The following EPHA3 variants were observed in gnomAD, a reference collection of about 807,000 sequenced individuals.
EPHA3 encodes the protein EPH receptor A3.
EPHA3 carries 42 observed loss-of-function variants against 107.1 expected under a neutral mutation model. The observed-to-expected ratio is 0.39, with a 90% CI of 0.31 to 0.51. The LOEUF (loss-of-function observed/expected upper bound fraction) is 0.51. Ranked by LOEUF, EPHA3 falls within the 20% of genes least tolerant of loss-of-function variation. EPHA3 has a pLI of 0.78. For missense variants in EPHA3, 1,183 were observed against 1,211.2 expected (o/e 0.98, Z 0.35); for synonymous variants, 461 against 424.8 (o/e 1.09, Z -1.05).
intron 13 of EPHA3, among the ~76,000 whole-genome samples, chr3:89,433,601 AT>A (rs962138794): frequency 1.1e-4 from 17 of 151,910 alleles, no homozygotes; most frequent in South Asian, 4.2e-4. Flanking sequence ...ATGAATCTAA[AT>A]TTTTTTTTAA....
intron 5 of EPHA3, among the ~76,000 whole-genome samples, chr3:89,357,905 C>T (rs1313902933): frequency 1.3e-5 from 2 of 151,238 alleles, no homozygotes; most frequent in Non-Finnish European, 3.0e-5. Flanking sequence ...CCATTCTAAG[C>T]TGCTTTTACA....
chr3:89,167,231 CAG>C (rs1291187887), intron 2 of EPHA3, among the ~76,000 whole-genome samples: 1 of 152,132 alleles, frequency 6.6e-6, no homozygotes, highest in Non-Finnish European at 1.5e-5. Context: ...CATTACATCA[CAG>C]AGTTTTTATT....
intron 3 of EPHA3, among the ~76,000 whole-genome samples, chr3:89,260,281 C>T (rs1433931501): frequency 1.3e-5 from 2 of 152,214 alleles, no homozygotes; most frequent in African/African-American, 2.4e-5. Flanking sequence ...GGCTTTTCCA[C>T]AGTGTACATT....
chr3:89,480,441 A>G lies in EPHA3; in HGVS notation c.*939A>G, dbSNP rs868566331. ...TAGTGTAATATACCAGCTTGTATGC[A>G]ATGGATTTTCAACCAGATAACATAC... On this transcript the variant is annotated 3_prime_UTR_variant, in exon 17 of 17. Transcript: ENST00000336596. 7 of 233,230 alleles carry G rather than the reference A, an allele frequency of 3.0e-5. No homozygotes were observed. Among genetic ancestry groups the G allele is most frequent in the African/African-American group, 1.5e-4 (7 of 45,326 alleles). The allele number at this position is 233,230 out of a possible 1,614,324, so 14.4% of individuals were successfully genotyped here.
rs998163895 is a variant in EPHA3, at chr3:89,472,530, G to A, written c.2757G>A (p.Trp919Ter). ...DITTFRTTGD[W>*]LNGVWTAHCK... The stretch of plus-strand genomic sequence containing the variant: ...CTACCTTCCGCACAACAGGTGACTG[G>A]CTTAATGGTGTCTGGACAGCACACT... The change falls in exon 16 of 17, where the codon TGG (tryptophan) becomes TGA (stop). Residue 919 changes from tryptophan to a stop codon, truncating the protein, a stop_gained. Coordinates refer to ENST00000336596, the MANE Select transcript of EPHA3 (RefSeq NM_005233.6). LOFTEE classifies it high-confidence loss of function. 1 of 1,614,118 alleles carries A rather than the reference G, an allele frequency of 6.2e-7. No homozygotes were observed. Among genetic ancestry groups the A allele is most frequent in the Non-Finnish European group, 8.5e-7 (1 of 1,180,016 alleles).
chr3:89,478,033 T>G (rs1401520715), intron 16 of EPHA3, among the ~76,000 whole-genome samples: 2 of 152,078 alleles, frequency 1.3e-5, no homozygotes, highest in Non-Finnish European at 2.9e-5. Context: ...TTGGGGAAGA[T>G]TTCATTAGAG....
chr3:89,195,934 C>G (rs1352348166), intron 2 of EPHA3, among the ~76,000 whole-genome samples: 2 of 152,126 alleles, frequency 1.3e-5, no homozygotes, highest in African/African-American at 4.8e-5. Context: ...CTACTATTGT[C>G]TTTATAGCAC....
chr3:89,361,157 A>T (rs1371703844), intron 5 of EPHA3, among the ~76,000 whole-genome samples: 1 of 151,068 alleles, frequency 6.6e-6, no homozygotes, highest in East Asian at 1.9e-4. Context: ...ACACTAAAAC[A>T]ATTGGAAAAA....
intron 3 of EPHA3, among the ~76,000 whole-genome samples, chr3:89,320,521 T>C (rs534891810): frequency 1.3e-5 from 2 of 152,098 alleles, no homozygotes; most frequent in South Asian, 4.1e-4. Context: ...CTTCTAATCC[T>C]GGGAGATGAG....
chr3:89,183,637 T>A (rs1705494180), intron 2 of EPHA3, among the ~76,000 whole-genome samples: 1 of 148,040 alleles, frequency 6.8e-6, no homozygotes, highest in Non-Finnish European at 1.5e-5. Flanking sequence ...AAGAAACTAT[T>A]TTTTAATGAA....
intron 2 of EPHA3, among the ~76,000 whole-genome samples, chr3:89,147,258 G>A (rs1457426915): frequency 6.6e-6 from 1 of 151,510 alleles, no homozygotes; most frequent in African/African-American, 2.4e-5. Flanking sequence ...CTAGATGATG[G>A]GTTGATAGGT....
At position 89,148,884 on chromosome 3, in the gene EPHA3, A is replaced by G. The variant is rs77052637; in HGVS notation, c.153+21611A>G. Among the ~76,000 whole-genome samples, 165 of 152,146 alleles carry G rather than the reference A, an allele frequency of 1.1e-3. 1 individual carries two copies. In the East Asian group the frequency reaches 0.025, roughly 23 times the overall value. On this transcript the variant is annotated intron_variant, in intron 2 of 16. Coordinates refer to ENST00000336596, the MANE Select transcript of EPHA3 (RefSeq NM_005233.6). The stretch of plus-strand genomic sequence containing the variant: ...AAAATAGACATTATTGTTTATTTGG[A>G]GTCATAATTATAAACATATAACATA...
chr3:89,306,433 T>G (rs1307291028), intron 3 of EPHA3, among the ~76,000 whole-genome samples: 1 of 152,186 alleles, frequency 6.6e-6, no homozygotes, highest in African/African-American at 2.4e-5. Context: ...GCTATGAATA[T>G]TCTGTGGCTA....
chr3:89,276,595 A>T (rs563950170), intron 3 of EPHA3, among the ~76,000 whole-genome samples: 1 of 152,128 alleles, frequency 6.6e-6, no homozygotes, highest in Non-Finnish European at 1.5e-5. Context: ...AGAAAGCATC[A>T]GAGATTGATA....
chr3:89,237,351 A>G (rs926707568), intron 3 of EPHA3, among the ~76,000 whole-genome samples: 5 of 152,250 alleles, frequency 3.3e-5, no homozygotes, highest in African/African-American at 1.2e-4. Context: ...AGCCTGGGTG[A>G]CAAAGCGAGA....
At chr3:89,339,427 AT>A (rs1707467030) in intron 3 of EPHA3, among the ~76,000 whole-genome samples, 1 of 151,960 alleles carries the variant, frequency 6.6e-6, no homozygotes, top group South Asian at 2.1e-4. Flanking sequence ...GGGCAGTAGA[AT>A]TGACTATATG....
At chr3:89,392,781 CTT>C (rs1035763695) in intron 5 of EPHA3, among the ~76,000 whole-genome samples, 1 of 152,080 alleles carries the variant, frequency 6.6e-6, no homozygotes, top group Non-Finnish European at 1.5e-5. Flanking sequence ...ACAAATCACT[CTT>C]TGATATCTGA....
At chr3:89,171,669 G>T (rs560411552) in intron 2 of EPHA3, among the ~76,000 whole-genome samples, 2 of 152,080 alleles carry the variant, frequency 1.3e-5, no homozygotes, top group Admixed American at 1.3e-4. Flanking sequence ...ATTGCTAAAA[G>T]GTTATATGTT....
chr3:89,326,417 C>A (rs1352868664), intron 3 of EPHA3, among the ~76,000 whole-genome samples: 1 of 152,076 alleles, frequency 6.6e-6, no homozygotes, highest in African/African-American at 2.4e-5. Flanking sequence ...GAGACAAGAT[C>A]TTGCTCTCTT....
Sources: gnomAD v4.1 joint callset for allele counts (sites outside exome capture counted in the v4.1 genomes callset) on GRCh38, gnomAD v4.1.1 for gene constraint, MANE v1.5 for transcripts, NCBI Gene and HGNC (gene_info 2026-07-23, HGNC 2026-07-21) for gene names.